PREX1: variants seen among roughly 807,000 people sequenced by gnomAD.
The protein encoded by PREX1 is phosphatidylinositol-3,4,5-trisphosphate dependent Rac exchange factor 1, also known as phosphatidylinositol 3,4,5-trisphosphate-dependent Rac exchanger 1 protein.
PREX1 carries 41 observed loss-of-function variants against 198.3 expected under a neutral mutation model. The observed-to-expected ratio is 0.21, with a 90% CI of 0.16 to 0.27. The LOEUF is 0.27. PREX1 is among the 10% of genes least tolerant of loss of function. The pLI is 1.00. For synonymous variants in PREX1, 843 were observed against 887.2 expected (o/e 0.95, Z 0.89); for missense variants, 1,620 against 2,200.7 (o/e 0.74, Z 5.28).
intron 15 of PREX1, among the ~76,000 whole-genome samples, chr20:48,662,014 C>T (rs567946164): frequency 6.6e-6 from 1 of 152,368 alleles, no homozygotes; most frequent in South Asian, 2.1e-4. Flanking sequence ...CCCCTCGTCC[C>T]TGAAGACAGA....
At chr20:48,676,310 G>C in intron 13 of PREX1, 42 bp from the exon 14 acceptor site, 8 of 1,583,696 alleles carry the variant, frequency 5.1e-6, no homozygotes, top group Non-Finnish European at 6.9e-6. Context: ...GCAGGGCGGG[G>C]AGGACAGAGG....
chr20:48,643,385 C>T (rs990387044), intron 27 of PREX1, among the ~76,000 whole-genome samples: 1 of 152,028 alleles, frequency 6.6e-6, no homozygotes, highest in Non-Finnish European at 1.5e-5. Flanking sequence ...AGGAAAATCG[C>T]TTGAACCCGG....
At chr20:48,717,735 A>T (rs767253124) in intron 5 of PREX1, among the ~76,000 whole-genome samples, 40 of 152,210 alleles carry the variant, frequency 2.6e-4, no homozygotes, top group Non-Finnish European at 8.8e-5. Context: ...GAAAGGAAAT[A>T]ATGCTCGTGG....
chr20:48,650,642 C>T (rs1480741380), intron 23 of PREX1, among the ~76,000 whole-genome samples: 1 of 152,222 alleles, frequency 6.6e-6, no homozygotes, highest in East Asian at 1.9e-4. Context: ...CCAACGTGTC[C>T]CCACCACATG....
chr20:48,758,292 G>A (rs1456248112), intron 1 of PREX1, among the ~76,000 whole-genome samples: 1 of 152,168 alleles, frequency 6.6e-6, no homozygotes, highest in Non-Finnish European at 1.5e-5. Flanking sequence ...AGGGCAGTGG[G>A]GGTGATCCTG....
At position 48,745,082 on chromosome 20, in the gene PREX1, A is replaced by G. The variant is rs770277935; in HGVS notation, c.357T>C (p.Tyr119=). Residue 119 remains tyrosine, a synonymous_variant, in exon 3 of 40, where the codon TAT becomes TAC. Transcript: ENST00000371941. ...VHKDFLAALE[Y]CLHPEPQSQH... is the part of the protein sequence containing the mutation. ...GAGACTGCGGCTCCGGGTGTAAACA[A>G]TACTCCAAGGCGGCCAAGAAATCCT... 6.2e-7 allele frequency: 1 copy of G among 1,614,196 alleles called. No individual in the cohort carries two copies. Among genetic ancestry groups the G allele is most frequent in the Non-Finnish European group, 8.5e-7 (1 of 1,180,018 alleles).
intron 1 of PREX1, among the ~76,000 whole-genome samples, chr20:48,816,667 G>C (rs2090460646): frequency 6.6e-6 from 1 of 152,106 alleles, no homozygotes; most frequent in Non-Finnish European, 1.5e-5. Context: ...AAGTGAGGGT[G>C]ATCACCAGCC....
At chr20:48,718,080 T>A (rs2089970119) in intron 5 of PREX1, among the ~76,000 whole-genome samples, 1 of 152,210 alleles carries the variant, frequency 6.6e-6, no homozygotes, top group African/African-American at 2.4e-5. Context: ...CCCAACTCGC[T>A]AAGTTACAAC....
At chr20:48,678,939 G>C (rs536572162) in intron 13 of PREX1, among the ~76,000 whole-genome samples, 71 of 152,322 alleles carry the variant, frequency 4.7e-4, no homozygotes, top group African/African-American at 1.7e-3. Context: ...TGATATGGAG[G>C]CGTTTGAAGG....
At chr20:48,655,577 T>A (rs1471370849) in intron 18 of PREX1, among the ~76,000 whole-genome samples, 1 of 152,210 alleles carries the variant, frequency 6.6e-6, no homozygotes, top group Non-Finnish European at 1.5e-5. Context: ...CACCAGGATC[T>A]TTGATTAAGC....
chr20:48,629,412 C>T, intron 37 of PREX1, 37 bp downstream of exon 37: 2 of 1,601,930 alleles, frequency 1.2e-6, no homozygotes, highest in Non-Finnish European at 1.7e-6. Context: ...CTAGGCCAGC[C>T]CCTCCCCACA....
At chr20:48,703,952 C>T (rs777288428) in intron 6 of PREX1, among the ~76,000 whole-genome samples, 4 of 152,322 alleles carry the variant, frequency 2.6e-5, no homozygotes, top group Middle Eastern at 6.8e-3. Context: ...ACATGTGGAC[C>T]AGTCAGGACT....
chr20:48,830,246 G>C (rs550200895), upstream of PREX1, among the ~76,000 whole-genome samples: 2 of 152,300 alleles, frequency 1.3e-5, no homozygotes, highest in Non-Finnish European at 2.9e-5. Flanking sequence ...CACACCTGTA[G>C]TACCAGCTGC....
chr20:48,874,580 A>G, the PREX1 span, among the ~76,000 whole-genome samples: 2 of 152,216 alleles, frequency 1.3e-5, no homozygotes, highest in African/African-American at 4.8e-5. Flanking sequence ...GCAGTTTAAT[A>G]AGATGGCAGG....
the PREX1 span, among the ~76,000 whole-genome samples, chr20:48,833,177 C>T: frequency 6.6e-6 from 1 of 152,074 alleles, no homozygotes. Context: ...GTATGCTGCC[C>T]GATCCTTGGA....
intron 1 of PREX1, among the ~76,000 whole-genome samples, chr20:48,788,725 AGAGGTG>A (rs1419601440): frequency 2.0e-5 from 3 of 152,220 alleles, no homozygotes; most frequent in African/African-American, 7.2e-5. Context: ...GGCAAGATTC[AGAGGTG>A]GGGCCTGTAA....
At chr20:48,656,511 C>T (rs768009772) in intron 18 of PREX1, 1 of 456,834 alleles carries the variant, frequency 2.2e-6, no homozygotes, top group South Asian at 1.5e-5. Context: ...TCTGCTCTTC[C>T]AATGCGCCAG....
In PREX1 at chr20:48,649,274, G is replaced by A. The variant is rs371051660; in HGVS notation, c.3305+26C>T. ...ATTGAGAACACCTGCCCCTGCTCAC[G>A]CCGGACACCCCCGGCCAGCGCTCAC... is the stretch of plus-strand genomic sequence containing the variant. On this transcript the variant is annotated intron_variant, in intron 25 of 39. Transcript: ENST00000371941. 1.9e-5 allele frequency: 30 copies of A among 1,601,946 alleles called. No individual in the cohort carries two copies. In the Middle Eastern group the frequency reaches 6.9e-4, roughly 37 times the overall value.
At chr20:48,843,172 C>T in the PREX1 span, among the ~76,000 whole-genome samples, 1 of 152,182 alleles carries the variant, frequency 6.6e-6, no homozygotes, top group Non-Finnish European at 1.5e-5. Context: ...CCTAAAGATG[C>T]AAGTGACAGA....
Sources: gnomAD v4.1 joint callset for allele counts (sites outside exome capture counted in the v4.1 genomes callset) on GRCh38, gnomAD v4.1.1 for gene constraint, MANE v1.5 for transcripts, NCBI Gene and HGNC (gene_info 2026-07-23, HGNC 2026-07-21) for gene names.